The following VPS53 variants were observed in gnomAD, a reference collection of about 807,000 sequenced individuals.
VPS53 encodes the protein vacuolar protein sorting-associated protein 53 homolog.
VPS53 carries 70 observed loss-of-function variants against 107.0 expected under a neutral mutation model. The ratio of observed to expected loss-of-function variants is 0.65; its 90% CI spans 0.54 to 0.80. The LOEUF (loss-of-function observed/expected upper bound fraction) is 0.80, where lower values mean the gene tolerates loss of function less well. Among genes scored for constraint, VPS53 ranks in the 30% least tolerant of loss-of-function variants. VPS53 has a pLI of 0.00. For synonymous variants in VPS53, 409 were observed against 393.3 expected, an observed-to-expected ratio of 1.04 and a Z score of -0.47; for missense variants, 917 against 1,049.4, an observed-to-expected ratio of 0.87 and a Z score of 1.74.
In VPS53 at chr17:714,723, C is replaced by T. The variant is rs1225255851; in HGVS notation, c.-14G>A. 1 of 1,612,478 alleles carries T rather than the reference C, an allele frequency of 6.2e-7. No homozygotes were observed. The highest frequency in any genetic ancestry group is 8.5e-7 in the Non-Finnish European group (1 of 1,179,388). ...CTCCTCCATCATTCCGCCACCCGGC[C>T]CCCTGCCGACCCCCGCCGCGAGCCC... On this transcript the variant is annotated 5_prime_UTR_variant, in exon 1 of 22. Coordinates refer to ENST00000437048, the MANE Select transcript of VPS53 (RefSeq NM_001128159.3).
chr17:573,964 TAC>T (rs1914396578), intron 13 of VPS53, among the ~76,000 whole-genome samples: 2 of 152,210 alleles, frequency 1.3e-5, no homozygotes, highest in South Asian at 4.1e-4. Context: ...TCCTTGAAAT[TAC>T]ACTCAAAATA....
chr17:684,668 G>A (rs1329710892), intron 4 of VPS53, among the ~76,000 whole-genome samples: 1 of 152,144 alleles, frequency 6.6e-6, no homozygotes, highest in East Asian at 1.9e-4. Context: ...CAAAGTCCCA[G>A]AGATTTCCTT....
At chr17:637,795 T>C (rs331001) in intron 7 of VPS53, among the ~76,000 whole-genome samples, 52,898 of 152,156 alleles carry the variant, frequency 0.35, 11,021 homozygotes, top group Non-Finnish European at 0.47. Flanking sequence ...TTCGTTATAA[T>C]TTCTGTTCTT....
At chr17:600,372 G>T (rs1033940707) in intron 12 of VPS53, among the ~76,000 whole-genome samples, 68 of 152,340 alleles carry the variant, frequency 4.5e-4, no homozygotes, top group Non-Finnish European at 1.2e-4. Flanking sequence ...GTGGCCCTGT[G>T]TGGGTGGAGG....
chr17:548,902 A>G (rs987637718), intron 17 of VPS53, among the ~76,000 whole-genome samples: 2 of 152,216 alleles, frequency 1.3e-5, no homozygotes, highest in African/African-American at 2.4e-5. Context: ...TGTTTCAAAC[A>G]CCACTTCCTT....
At chr17:571,760 G>A (rs1481330187) in intron 13 of VPS53, among the ~76,000 whole-genome samples, 5 of 152,244 alleles carry the variant, frequency 3.3e-5, no homozygotes, top group Admixed American at 3.3e-4. Context: ...GGCCGGGCTG[G>A]TCTCCAGCTC....
intron 12 of VPS53, among the ~76,000 whole-genome samples, chr17:593,996 C>T (rs181923091): frequency 5.5e-4 from 84 of 152,312 alleles, no homozygotes; most frequent in African/African-American, 1.7e-3. Flanking sequence ...ATGATGAGTT[C>T]GCGTCCTTTG....
intron 1 of VPS53, 81 bp downstream of exon 1, chr17:714,542 C>A (rs969532364): frequency 2.8e-5 from 39 of 1,414,958 alleles, no homozygotes; most frequent in Non-Finnish European, 3.6e-5. Context: ...TCCGTCCACC[C>A]GCCGCGGCCT....
chr17:519,964 G>A lies in VPS53; in HGVS notation c.2224-34C>T. 6.9e-7 allele frequency: 1 copy of A among 1,458,222 alleles called. No homozygotes were observed. Among genetic ancestry groups the A allele is most frequent in the Non-Finnish European group, 9.4e-7 (1 of 1,062,204 alleles). 90.3% of individuals were successfully genotyped at this position (1,458,222 alleles called of 1,614,324 possible). A position where few individuals can be genotyped will look rare whatever the true frequency, so the allele number is the denominator to read the frequency against. ...GGAGGAGACAGGAGCAAGCCCCTCA[G>A]GAAAACTACCACCACGGGAGGAGAC... is the stretch of plus-strand genomic sequence containing the variant. On this transcript the variant is annotated intron_variant, in intron 20 of 21. Transcript: ENST00000437048. This position sits in a 1 kb window ranked among gnomAD's most constrained non-coding sequence, Gnocchi z 5.0.
intron 17 of VPS53, among the ~76,000 whole-genome samples, chr17:550,691 CAA>C (rs1378446947): frequency 4.0e-5 from 6 of 151,888 alleles, no homozygotes; most frequent in Non-Finnish European, 7.4e-5. Context: ...TTCAAGACTA[CAA>C]GAGAGATAAA....
intron 5 of VPS53, among the ~76,000 whole-genome samples, chr17:661,393 C>T (rs575332928): frequency 1.3e-5 from 2 of 151,440 alleles, no homozygotes; most frequent in Non-Finnish European, 2.9e-5. Flanking sequence ...TGGTGGCAGG[C>T]GCCTGTAATC....
intron 11 of VPS53, among the ~76,000 whole-genome samples, chr17:607,236 TA>T (rs1968628517): frequency 6.6e-6 from 1 of 152,118 alleles, no homozygotes; most frequent in Non-Finnish European, 1.5e-5. Flanking sequence ...CTATTAACCA[TA>T]AGTGGAGCCT....
intron 1 of VPS53, 119 bp downstream of exon 1, chr17:714,504 T>C (rs993266518): frequency 3.1e-6 from 3 of 959,844 alleles, no homozygotes; most frequent in Admixed American, 4.7e-5. Context: ...CCACCTCCAC[T>C]TTCCCTTCTG....
chr17:681,705 A>T (rs1972400209), intron 4 of VPS53, among the ~76,000 whole-genome samples: 1 of 152,242 alleles, frequency 6.6e-6, no homozygotes, highest in Non-Finnish European at 1.5e-5. Flanking sequence ...TAATTTCTAA[A>T]CAACAGAAAT....
At chr17:687,647 A>C (rs140864950) in intron 4 of VPS53, among the ~76,000 whole-genome samples, 138 of 151,784 alleles carry the variant, frequency 9.1e-4, no homozygotes, top group Non-Finnish European at 1.4e-3. Context: ...CTGAAGTGAG[A>C]GGATCACTTG....
intron 7 of VPS53, among the ~76,000 whole-genome samples, chr17:635,479 T>C (rs1328341172): frequency 6.6e-6 from 1 of 152,250 alleles, no homozygotes; most frequent in Non-Finnish European, 1.5e-5. Context: ...CCCATGCCTA[T>C]GTCCTGAATG....
chr17:556,405 T>C (rs1912353661), intron 15 of VPS53, among the ~76,000 whole-genome samples: 1 of 152,232 alleles, frequency 6.6e-6, no homozygotes, highest in Non-Finnish European at 1.5e-5. Flanking sequence ...TATGGGAAAC[T>C]GGGTAAGTGG....
intron 12 of VPS53, among the ~76,000 whole-genome samples, chr17:588,008 G>A (rs1423721985): frequency 1.3e-5 from 2 of 152,048 alleles, no homozygotes; most frequent in Non-Finnish European, 2.9e-5. Flanking sequence ...CTGTTGTTAC[G>A]ATTATTATTA....
chr17:710,649 T>G, intron 1 of VPS53, 36 bp from the exon 2 acceptor site: 2 of 1,415,878 alleles, frequency 1.4e-6, no homozygotes, highest in Non-Finnish European at 2.0e-6. Context: ...TAAAAACATG[T>G]AGTATACCGT....
Sources: gnomAD v4.1 joint callset for allele counts (sites outside exome capture counted in the v4.1 genomes callset) on GRCh38, gnomAD v4.1.1 for gene constraint, Gnocchi (gnomAD v3.1) non-coding constraint, MANE v1.5 for transcripts, NCBI Gene and HGNC (gene_info 2026-07-23, HGNC 2026-07-21) for gene names.